Variants in CASP2 observed in about 807,000 individuals in gnomAD.
CASP2 encodes caspase-2.
In CASP2, 38 loss-of-function variants were observed where a neutral mutation model predicts 54.4. The observed-to-expected ratio is 0.70, with a 90% CI of 0.54 to 0.92. The LOEUF is 0.92. Ranked by LOEUF, CASP2 falls within the 40% of genes least tolerant of loss-of-function variation. The pLI is 0.00. For missense variants in CASP2, 512 were observed against 579.6 expected (o/e 0.88, Z 1.20); for synonymous variants, 215 against 216.3 (o/e 0.99, Z 0.05).
At chr7:143,294,420 C>A in intron 5 of CASP2, 96 bp downstream of exon 5, 3 of 1,051,412 alleles carry the variant, frequency 2.9e-6, no homozygotes, top group Non-Finnish European at 3.0e-6. Flanking sequence ...TTCCTTTCTG[C>A]CTTATTAGTC....
At chr7:143,295,253 CCT>C (rs1398890960) in intron 6 of CASP2, among the ~76,000 whole-genome samples, 1 of 152,178 alleles carries the variant, frequency 6.6e-6, no homozygotes, top group Non-Finnish European at 1.5e-5. Flanking sequence ...GTCTCAAACT[CCT>C]GACCTCAGGT....
rs941569938 is a variant in CASP2, at chr7:143,292,279, T to C, written c.226-21T>C. ...AGCTAGAGAAGTAAATATGATTTCATGTTTTATTCTTGTGTCTTAGGCCAA... is the reference window on the plus strand; with the variant it reads ...AGCTAGAGAAGTAAATATGATTTCACGTTTTATTCTTGTGTCTTAGGCCAA... On this transcript the variant is annotated intron_variant, in intron 2 of 10. Transcript: ENST00000310447. 4.3e-6 allele frequency: 7 copies of C among 1,612,248 alleles called. No individual in the cohort carries two copies. The Admixed American group carries it at 5.0e-5, about 12-fold the overall frequency.
At chr7:143,300,485 C>A (rs999504066) in intron 8 of CASP2, 191 bp downstream of exon 8, 3 of 1,592,204 alleles carry the variant, frequency 1.9e-6, no homozygotes, top group Admixed American at 3.4e-5. Flanking sequence ...CTTGGGCAGC[C>A]CATGGCTCTC....
At chr7:143,291,805 CAG>C (rs1176947108) in intron 2 of CASP2, 115 bp downstream of exon 2, 5 of 514,194 alleles carry the variant, frequency 9.7e-6, no homozygotes, top group East Asian at 3.0e-5. Flanking sequence ...TTTTTTGAGA[CAG>C]AGTCTCTGTC....
At chr7:143,295,438 T>G (rs1801715542) in intron 6 of CASP2, among the ~76,000 whole-genome samples, 1 of 152,260 alleles carries the variant, frequency 6.6e-6, no homozygotes, top group Non-Finnish European at 1.5e-5. Context: ...GTCATTAACC[T>G]CAGTTACTGT....
Position 143,304,958 on chromosome 7 carries a change from G to A in CASP2, c.1246G>A (p.Asp416Asn), listed in dbSNP as rs1802025123. Residue 416 changes from aspartate (D) to asparagine (N), a missense_variant, in exon 11 of 11, where the codon GAT (aspartate) becomes AAT (asparagine). Asp to Asn is a conservative substitution (Grantham distance 23, BLOSUM62 1). Around this residue, in one of 3 missense-constraint regions of CASP2, gnomAD observed 417 missense variants for 495.4 expected, o/e 0.84. Coordinates refer to ENST00000310447, the MANE Select transcript of CASP2 (RefSeq NM_032982.4). ...CCTCCAGGTGAACGCACTTATCAAG[G>A]ATCGGGAAGGTTATGCTCCTGGCAC... Reference protein sequence around the residue: ...MLVKVNALIKDREGYAPGTEF... With the variant: ...MLVKVNALIKNREGYAPGTEF... 6.2e-7 allele frequency: 1 copy of A among 1,614,196 alleles called. No individual in the cohort carries two copies. Among genetic ancestry groups the A allele is most frequent in the Non-Finnish European group, 8.5e-7 (1 of 1,180,042 alleles).
intron 6 of CASP2, among the ~76,000 whole-genome samples, chr7:143,296,834 G>A (rs1463658293): frequency 6.6e-6 from 1 of 152,032 alleles, no homozygotes; most frequent in African/African-American, 2.4e-5. Flanking sequence ...TAGTCTTAGA[G>A]ACTCCTCTTC....
intron 2 of CASP2, among the ~76,000 whole-genome samples, chr7:143,292,022 C>T (rs1340897218): frequency 1.3e-5 from 2 of 151,800 alleles, no homozygotes; most frequent in Non-Finnish European, 2.9e-5. Flanking sequence ...TCATGATCCA[C>T]CTGCCTCGGC....
At position 143,294,246 on chromosome 7, in the gene CASP2, C is replaced by T; in HGVS notation, c.492C>T (p.Ser164=). 1 of 1,605,876 alleles carries T rather than the reference C, an allele frequency of 6.2e-7. No individual in the cohort carries two copies. The highest frequency in any genetic ancestry group is 8.5e-7 in the Non-Finnish European group (1 of 1,172,628). Residue 164 remains serine (S), a synonymous_variant, in exon 5 of 11, where the codon TCC becomes TCT. Transcript: ENST00000310447. The part of the protein sequence containing the change: ...LRLSTDTVEH[S]LDNKDGPVCL... ...ATACCACAGATACTGTGGAACACTC[C>T]CTAGACAATAAAGATGGTCCTGTCT...
At chr7:143,304,828 C>G (rs1269182394) in intron 10 of CASP2, 45 bp downstream of exon 10, 2 of 1,604,798 alleles carry the variant, frequency 1.2e-6, no homozygotes, top group Non-Finnish European at 1.7e-6. Flanking sequence ...CCACAGTGCT[C>G]TACTTTCCTC....
intron 8 of CASP2, chr7:143,301,928 C>T (rs1332936226): frequency 2.0e-5 from 3 of 152,138 alleles, no homozygotes; most frequent in East Asian, 1.9e-4. Context: ...ATTGTTTTTC[C>T]AGCAAGGTTG....
intron 8 of CASP2, chr7:143,302,860 T>C (rs911084791): frequency 1.3e-5 from 2 of 152,196 alleles, no homozygotes; most frequent in Non-Finnish European, 2.9e-5. Context: ...AGAGCAAGGA[T>C]CTGCTCAGGG....
chr7:143,304,851 CT>C (rs1802021150), intron 10 of CASP2, 68 bp downstream of exon 10: 3 of 1,606,412 alleles, frequency 1.9e-6, no homozygotes, highest in East Asian at 4.5e-5. Context: ...CTCTTGAATG[CT>C]CTTTCATAGT....
chr7:143,292,404 G>A lies in CASP2; in HGVS notation c.330G>A (p.Lys110=), dbSNP rs750685719. 1.2e-6 allele frequency: 2 copies of A among 1,614,070 alleles called. No individual in the cohort carries two copies. The highest frequency in any genetic ancestry group is 1.3e-5 in the African/African-American group (1 of 74,922). The change falls in exon 3 of 11, where the codon AAG becomes AAA. Residue 110 remains lysine (K), a synonymous_variant. Transcript: ENST00000310447. ...DAFCEALRET[K]QGHLEDMLLT... ...TCTGTGAAGCACTGAGGGAGACCAA[G>A]CAAGGCCACCTGGAGGATATGTTGC...
chr7:143,289,578 C>A, intron 1 of CASP2: 1 of 973,822 alleles, frequency 1.0e-6, no homozygotes. Context: ...AGAATGCTGT[C>A]ATGGAAACCA....
rs1382315591 is a variant in CASP2, at chr7:143,303,886, G to C, written c.1070G>C (p.Arg357Thr). ...GGTAAAGAAAAGTTGCCGAAGATGA[G>C]ACTGCCCACGCGCTCAGACATGATA... ...DAGKEKLPKM[R>T]LPTRSDMICG... is the part of the protein sequence containing the mutation. Residue 357 changes from arginine (R) to threonine (T), a missense_variant, in exon 9 of 11, where the codon AGA becomes ACA. This residue lies in a region of CASP2 where 417 missense variants were observed against 495.4 expected (regional missense o/e 0.84). Transcript: ENST00000310447. 3 of 1,612,694 alleles carry C rather than the reference G, an allele frequency of 1.9e-6. No homozygotes were observed. In the South Asian group the frequency reaches 3.3e-5, roughly 18 times the overall value.
chr7:143,288,574 A>G (rs754353377), intron 1 of CASP2, 45 bp downstream of exon 1: 1 of 1,543,206 alleles, frequency 6.5e-7, no homozygotes, highest in Non-Finnish European at 8.9e-7. Context: ...AGCCCAGGGA[A>G]GGGGAGCGTG....
chr7:143,296,802 TAA>T (rs1258147689), intron 6 of CASP2, among the ~76,000 whole-genome samples: 2 of 152,144 alleles, frequency 1.3e-5, no homozygotes, highest in Non-Finnish European at 2.9e-5. Context: ...GAATTCCATT[TAA>T]AAACAGGAAA....
chr7:143,292,485 T>C lies in CASP2; in HGVS notation c.393+18T>C, dbSNP rs1283906690. On this transcript the variant is annotated intron_variant, in intron 3 of 10. Coordinates refer to ENST00000310447, the MANE Select transcript of CASP2 (RefSeq NM_032982.4). The stretch of plus-strand genomic sequence containing the variant: ...TCCCACCGGTATGAAGCTTTAGTAA[T>C]ATGGGGTGTTGGGAAGGGTTAGTTT... The C allele has an allele frequency of 3.1e-6, 5 of 1,613,780 alleles. No homozygotes were observed. Among genetic ancestry groups the C allele is most frequent in the Non-Finnish European group, 4.2e-6 (5 of 1,179,840 alleles).
Sources: gnomAD v4.1 joint callset for allele counts (sites outside exome capture counted in the v4.1 genomes callset) on GRCh38, gnomAD v4.1.1 for gene constraint, gnomAD v4.1.1 regional missense constraint, MANE v1.5 for transcripts, NCBI Gene and HGNC (gene_info 2026-07-23, HGNC 2026-07-21) for gene names.